GALNTL6: variants seen among roughly 807,000 people sequenced by gnomAD.
GALNTL6 encodes polypeptide N-acetylgalactosaminyltransferase-like 6.
A neutral mutation model predicts 73.7 loss-of-function variants in GALNTL6; 46 were observed. The ratio of observed to expected loss-of-function variants is 0.62; its 90% CI spans 0.49 to 0.80. The LOEUF (loss-of-function observed/expected upper bound fraction) is 0.80, where lower values mean the gene tolerates loss of function less well. Ranked by LOEUF, GALNTL6 falls within the 30% of genes least tolerant of loss-of-function variation. The pLI is 0.00. For missense variants in GALNTL6, 604 were observed against 755.0 expected (o/e 0.80, Z 2.34); for synonymous variants, 259 against 263.7 (o/e 0.98, Z 0.17).
intron 5 of GALNTL6, among the ~76,000 whole-genome samples, chr4:172,429,338 A>G (rs1014154772): frequency 2.6e-5 from 4 of 151,928 alleles, no homozygotes; most frequent in African/African-American, 4.8e-5. Context: ...CAGCCTCCAG[A>G]GTAGCTGGGA....
chr4:172,003,070 T>C (rs1310982380), intron 2 of GALNTL6, among the ~76,000 whole-genome samples: 3 of 152,142 alleles, frequency 2.0e-5, no homozygotes, highest in Non-Finnish European at 4.4e-5. Context: ...CTCTCCTATA[T>C]TGTCAAAGAT....
At chr4:171,823,248 A>T (rs1734731814) in intron 2 of GALNTL6, among the ~76,000 whole-genome samples, 2 of 152,084 alleles carry the variant, frequency 1.3e-5, no homozygotes, top group African/African-American at 4.8e-5. Context: ...CGGATAATGG[A>T]TACTGGTGAG....
intron 6 of GALNTL6, among the ~76,000 whole-genome samples, chr4:172,810,695 T>C (rs1356530703): frequency 6.6e-6 from 1 of 152,196 alleles, no homozygotes; most frequent in African/African-American, 2.4e-5. Flanking sequence ...CACATACGCC[T>C]GCACAGGTAA....
At chr4:172,517,245 TG>T (rs1456507863) in intron 5 of GALNTL6, among the ~76,000 whole-genome samples, 7 of 152,282 alleles carry the variant, frequency 4.6e-5, no homozygotes, top group Middle Eastern at 6.8e-3. Context: ...TTTTAGTTTC[TG>T]GGCCTGAAAC....
chr4:172,748,983 C>T (rs1737273079), intron 5 of GALNTL6, among the ~76,000 whole-genome samples: 1 of 151,878 alleles, frequency 6.6e-6, no homozygotes, highest in Non-Finnish European at 1.5e-5. Context: ...GATCTTGGCT[C>T]ACTGCAGTCT....
At chr4:172,731,237 T>C (rs1736133138) in intron 5 of GALNTL6, among the ~76,000 whole-genome samples, 1 of 152,180 alleles carries the variant, frequency 6.6e-6, no homozygotes, top group Non-Finnish European at 1.5e-5. Flanking sequence ...TCATTTTTTG[T>C]TTGTTTTGTT....
chr4:172,628,206 A>G (rs1260433943), intron 5 of GALNTL6, among the ~76,000 whole-genome samples: 2 of 152,132 alleles, frequency 1.3e-5, no homozygotes, highest in Non-Finnish European at 2.9e-5. Flanking sequence ...GTTTATTATT[A>G]TAATCAAATC....
intron 2 of GALNTL6, among the ~76,000 whole-genome samples, chr4:172,096,424 T>C (rs1732360604): frequency 6.6e-6 from 1 of 152,162 alleles, no homozygotes; most frequent in South Asian, 2.1e-4. Context: ...GAGTGCATAT[T>C]CTGGATTTTC....
At chr4:172,115,683 T>A (rs1274972948) in intron 2 of GALNTL6, among the ~76,000 whole-genome samples, 2 of 152,062 alleles carry the variant, frequency 1.3e-5, no homozygotes, top group East Asian at 3.9e-4. Context: ...GGGAATGACA[T>A]GGAATTTATG....
chr4:172,059,950 C>G (rs184479419), intron 2 of GALNTL6, among the ~76,000 whole-genome samples: 1 of 152,000 alleles, frequency 6.6e-6, no homozygotes, highest in Non-Finnish European at 1.5e-5. Flanking sequence ...CCCAGGAAGC[C>G]CAGAAGGAGA....
chr4:172,305,818 C>T (rs1255550892), intron 3 of GALNTL6, among the ~76,000 whole-genome samples: 1 of 151,968 alleles, frequency 6.6e-6, no homozygotes, highest in Admixed American at 6.6e-5. Flanking sequence ...TGGTGACTCA[C>T]CAGTTTTGTT....
intron 3 of GALNTL6, among the ~76,000 whole-genome samples, chr4:172,264,720 T>C (rs977686324): frequency 1.3e-5 from 2 of 149,942 alleles, no homozygotes; most frequent in Non-Finnish European, 3.0e-5. Context: ...TAGTCTGATA[T>C]ATGGCTTCAC....
chr4:171,868,908 T>C (rs111859517), intron 2 of GALNTL6, among the ~76,000 whole-genome samples: 17 of 152,294 alleles, frequency 1.1e-4, no homozygotes, highest in African/African-American at 4.1e-4. Context: ...CTCGAACTCC[T>C]GACCTCAGGT....
intron 5 of GALNTL6, among the ~76,000 whole-genome samples, chr4:172,486,018 A>G (rs990585300): frequency 3.3e-5 from 5 of 152,198 alleles, no homozygotes; most frequent in African/African-American, 1.2e-4. Context: ...CCATTTTTAA[A>G]CAAATATTTT....
At chr4:171,970,998 G>A (rs1739553182) in intron 2 of GALNTL6, among the ~76,000 whole-genome samples, 1 of 152,178 alleles carries the variant, frequency 6.6e-6, no homozygotes, top group Admixed American at 6.5e-5. Context: ...TGAGAAATTA[G>A]TAGCAGGGTT....
chr4:171,938,377 T>C (rs1026212311), intron 2 of GALNTL6, among the ~76,000 whole-genome samples: 2 of 151,972 alleles, frequency 1.3e-5, no homozygotes, highest in African/African-American at 4.8e-5. Flanking sequence ...AATGCCAACA[T>C]TATAGACCCT....
At chr4:172,808,416 C>G (rs1245615946) in intron 5 of GALNTL6, among the ~76,000 whole-genome samples, 1 of 152,024 alleles carries the variant, frequency 6.6e-6, no homozygotes, top group African/African-American at 2.4e-5. Context: ...ATGAAGAGAA[C>G]GTTTGAAAAG....
At position 171,837,286 on chromosome 4, in the gene GALNTL6, A is replaced by T. The variant is rs147960803; in HGVS notation, c.138+22568A>T. ...GCATCAGGAAAATCAGGAAAAATCTAGGACGTAATCCATACTGAAAGAAGC... is the reference window on the plus strand; with the variant it reads ...GCATCAGGAAAATCAGGAAAAATCTTGGACGTAATCCATACTGAAAGAAGC... On this transcript the variant is annotated intron_variant, in intron 2 of 12. Transcript: ENST00000506823. 3.4e-4 allele frequency among the ~76,000 whole-genome samples: 52 copies of T among 152,266 alleles called. 1 individual carries two copies. In the East Asian group the frequency reaches 8.1e-3, roughly 24 times the overall value.
intron 2 of GALNTL6, among the ~76,000 whole-genome samples, chr4:172,015,113 T>C (rs1369248498): frequency 5.3e-5 from 8 of 152,120 alleles, no homozygotes; most frequent in Non-Finnish European, 1.5e-5. Flanking sequence ...TTTGTTGACT[T>C]TCTGTTTTCA....
Sources: gnomAD v4.1 joint callset for allele counts (sites outside exome capture counted in the v4.1 genomes callset) on GRCh38, gnomAD v4.1.1 for gene constraint, MANE v1.5 for transcripts, NCBI Gene and HGNC (gene_info 2026-07-23, HGNC 2026-07-21) for gene names.